Variants in FGF5 observed in about 807,000 individuals in gnomAD.
The protein encoded by FGF5 is fibroblast growth factor 5.
Under a neutral mutation model 21.8 loss-of-function variants are expected in FGF5, and 23 were observed. The ratio of observed to expected loss-of-function variants is 1.05; its 90% CI spans 0.76 to 1.49. FGF5 has a LOEUF of 1.49. Among genes scored for constraint, FGF5 ranks in the 40% most tolerant of loss-of-function variants. The pLI is 0.00. For synonymous variants in FGF5, 158 were observed against 124.0 expected (o/e 1.27, Z -1.82); for missense variants, 352 against 332.9 (o/e 1.06, Z -0.45).
chr4:80,279,932 C>T (rs1382618431), intron 2 of FGF5, among the ~76,000 whole-genome samples: 2 of 152,192 alleles, frequency 1.3e-5, no homozygotes, highest in Non-Finnish European at 2.9e-5. Context: ...ATAGATCATC[C>T]TCCTTTCCTG....
At chr4:80,276,446 G>T (rs1720413067) in intron 2 of FGF5, among the ~76,000 whole-genome samples, 2 of 151,682 alleles carry the variant, frequency 1.3e-5, no homozygotes, top group Non-Finnish European at 2.9e-5. Context: ...TTTGTTTAAG[G>T]GACAACATTC....
Position 80,289,254 on chromosome 4 carries a change from C to A in FGF5, c.*2582C>A, listed in dbSNP as rs1720830801. 6.6e-6 allele frequency: 1 copy of A among 152,150 alleles called. No homozygotes were observed. The highest frequency in any genetic ancestry group is 2.1e-4 in the South Asian group (1 of 4,820). The allele number at this position is 152,150 out of a possible 1,614,324, so 9.4% of individuals were successfully genotyped here. A position where few individuals can be genotyped will look rare whatever the true frequency, so the allele number is the denominator to read the frequency against. ...TAGTCCTGACCTCATGATCTGCCCA[C>A]CTCGGCCTCCCCAAAGTGCTGGGAT... On this transcript the variant is annotated 3_prime_UTR_variant, in exon 3 of 3. Transcript: ENST00000312465.
chr4:80,286,241 T>G (rs928821346), intron 2 of FGF5, 84 bp from the exon 3 acceptor site: 6 of 945,916 alleles, frequency 6.3e-6, no homozygotes, highest in Non-Finnish European at 9.4e-6. Context: ...AAATTATTGT[T>G]TTTTTTTCTA....
At chr4:80,278,269 T>C (rs1720468930) in intron 2 of FGF5, among the ~76,000 whole-genome samples, 1 of 152,202 alleles carries the variant, frequency 6.6e-6, no homozygotes, top group Non-Finnish European at 1.5e-5. Context: ...CTCTATTTAA[T>C]AGGCAAATAA....
At chr4:80,277,971 A>T (rs1254885190) in intron 2 of FGF5, among the ~76,000 whole-genome samples, 1 of 152,148 alleles carries the variant, frequency 6.6e-6, no homozygotes, top group Non-Finnish European at 1.5e-5. Context: ...ATCTCATTAG[A>T]TAATGAGGTG....
intron 1 of FGF5, among the ~76,000 whole-genome samples, chr4:80,269,563 T>C (rs1720210067): frequency 6.6e-6 from 1 of 152,200 alleles, no homozygotes; most frequent in Non-Finnish European, 1.5e-5. Flanking sequence ...TGTTGAAAGA[T>C]ATCTACAAGA....
Position 80,286,706 on chromosome 4 carries a change from C to A in FGF5, c.*34C>A. On this transcript the variant is annotated 3_prime_UTR_variant, in exon 3 of 3. Transcript: ENST00000312465. Reference sequence around the variant, plus strand: ...TTGGCCTTGTGAGAAACCATTCTTTCCCCTCAGGAGTTTCTATAGGTGTCT... The same window carrying A: ...TTGGCCTTGTGAGAAACCATTCTTTACCCTCAGGAGTTTCTATAGGTGTCT... 6.4e-7 allele frequency: 1 copy of A among 1,558,768 alleles called. No homozygotes were observed. Among genetic ancestry groups the A allele is most frequent in the Non-Finnish European group, 8.8e-7 (1 of 1,135,548 alleles).
Position 80,275,006 on chromosome 4 carries a change from T to C in FGF5, c.453T>C (p.His151=). 6.7e-7 allele frequency: 1 copy of C among 1,483,422 alleles called. No homozygotes were observed. Among genetic ancestry groups the C allele is most frequent in the East Asian group, 2.3e-5 (1 of 43,460 alleles). The allele number at this position is 1,483,422 out of a possible 1,614,324, so 91.9% of individuals were successfully genotyped here. A position where few individuals can be genotyped will look rare whatever the true frequency, so the allele number is the denominator to read the frequency against. The stretch of plus-strand genomic sequence containing the variant: ...CGATGTCAAAAAAAGGAAAACTCCA[T>C]GCAAGTGTAAGTAGAACCACTTTAT... The part of the protein sequence containing the change: ...FLAMSKKGKL[H]ASAKFTDDCK... Residue 151 remains histidine (H), a synonymous_variant, in exon 2 of 3, where the codon CAT becomes CAC. Coordinates refer to ENST00000312465, the MANE Select transcript of FGF5 (RefSeq NM_004464.4).
rs1720793143 is a variant in FGF5, at chr4:80,288,207, A to G, written c.*1535A>G. 1 of 152,148 alleles carries G rather than the reference A, an allele frequency of 6.6e-6. No homozygotes were observed. The allele number at this position is 152,148 out of a possible 1,614,324, so 9.4% of individuals were successfully genotyped here. A position where few individuals can be genotyped will look rare whatever the true frequency, so the allele number is the denominator to read the frequency against. ...TGTACTTATAAACTATTTTTTTCTT[A>G]AAGCAAACTATGATTTATTTTGGTG... On this transcript the variant is annotated 3_prime_UTR_variant, in exon 3 of 3. Transcript: ENST00000312465.
intron 2 of FGF5, among the ~76,000 whole-genome samples, 153 bp downstream of exon 2, chr4:80,275,165 G>T (rs111853474): frequency 2.6e-5 from 4 of 151,810 alleles, no homozygotes; most frequent in African/African-American, 4.8e-5. Context: ...AATTTTGTGC[G>T]CTTCCAGAAG....
In FGF5 at chr4:80,288,679, G is replaced by T. The variant is rs1310360159; in HGVS notation, c.*2007G>T. ...TTAGGGCACATGAAAAATTTTAGCT[G>T]CCAAACAGGAACTAGTAAACATATG... On this transcript the variant is annotated 3_prime_UTR_variant, in exon 3 of 3. Coordinates refer to ENST00000312465, the MANE Select transcript of FGF5 (RefSeq NM_004464.4). 6.6e-6 allele frequency: 1 copy of T among 152,526 alleles called. No individual in the cohort carries two copies. The highest frequency in any genetic ancestry group is 1.5e-5 in the Non-Finnish European group (1 of 68,016). 9.4% of individuals were successfully genotyped at this position (152,526 alleles called of 1,614,324 possible).
chr4:80,267,601 G>GTTA (rs1720133606), intron 1 of FGF5, among the ~76,000 whole-genome samples: 1 of 152,148 alleles, frequency 6.6e-6, no homozygotes, highest in Admixed American at 6.5e-5. Context: ...CATAACTGAA[G>GTTA]TTATTTTTTG....
At chr4:80,276,126 C>A (rs1383167639) in intron 2 of FGF5, among the ~76,000 whole-genome samples, 3 of 151,958 alleles carry the variant, frequency 2.0e-5, no homozygotes, top group Non-Finnish European at 4.4e-5. Context: ...AGAATTTGAA[C>A]AATTTCTATA....
chr4:80,284,164 G>A (rs1271049246), intron 2 of FGF5, among the ~76,000 whole-genome samples: 2 of 152,182 alleles, frequency 1.3e-5, no homozygotes, highest in African/African-American at 4.8e-5. Flanking sequence ...GCCGGGTGCG[G>A]TGGCTCACAC....
chr4:80,272,902 A>T (rs144866832), intron 1 of FGF5, among the ~76,000 whole-genome samples: 1 of 152,238 alleles, frequency 6.6e-6, no homozygotes, highest in East Asian at 1.9e-4. Flanking sequence ...ATCTAAAATC[A>T]TTAATGCTAT....
At chr4:80,283,794 C>A (rs2109928675) in intron 2 of FGF5, among the ~76,000 whole-genome samples, 1 of 151,446 alleles carries the variant, frequency 6.6e-6, no homozygotes, top group East Asian at 1.9e-4. Context: ...AAACCCGAGA[C>A]AAGATAAATA....
chr4:80,277,431 C>G lies in FGF5; in HGVS notation c.459+2419C>G, dbSNP rs140486326. On this transcript the variant is annotated intron_variant, in intron 2 of 2. Transcript: ENST00000312465. ...ATCTGAGCATTTATTAGCACTTTTC[C>G]TCTAGGTGTAAACCTAATTAAATTA... is the stretch of plus-strand genomic sequence containing the variant. Among the ~76,000 whole-genome samples, 1,467 of 152,184 alleles carry G rather than the reference C, an allele frequency of 9.6e-3. 24 individuals are homozygous for G. The highest frequency in any genetic ancestry group is 0.033 in the African/African-American group (1,384 of 41,530).
chr4:80,277,788 A>G (rs1720455836), intron 2 of FGF5, among the ~76,000 whole-genome samples: 1 of 152,132 alleles, frequency 6.6e-6, no homozygotes, highest in African/African-American at 2.4e-5. Context: ...CTAAAAATAT[A>G]AAATATTAAT....
In FGF5 at chr4:80,266,976, G is replaced by C. The variant is rs761315195; in HGVS notation, c.152G>C (p.Ser51Thr). The part of the protein sequence containing the change: ...PRGSSSRQSS[S>T]SAMSSSSASS... Reference sequence around the variant, plus strand: ...GGCTCCAGCAGCAGACAGAGCAGCAGTAGCGCTATGTCTTCCTCTTCTGCC... The same window carrying C: ...GGCTCCAGCAGCAGACAGAGCAGCACTAGCGCTATGTCTTCCTCTTCTGCC... The change falls in exon 1 of 3, where the codon AGT (serine) becomes ACT (threonine). Residue 51 changes from serine to threonine, a missense_variant. Ser to Thr is a moderately conservative substitution (Grantham distance 58, BLOSUM62 1). Transcript: ENST00000312465. 17 of 1,614,248 alleles carry C rather than the reference G, an allele frequency of 1.1e-5. No individual in the cohort carries two copies. Among genetic ancestry groups the C allele is most frequent in the Admixed American group, 1.7e-5 (1 of 60,026 alleles).
Sources: allele counts gnomAD v4.1 joint callset (sites outside exome capture counted in the v4.1 genomes callset), GRCh38; gene constraint gnomAD v4.1.1; transcripts MANE v1.5; gene names NCBI Gene and HGNC (gene_info 2026-07-23, HGNC 2026-07-21).